OBSL1: variants seen among roughly 807,000 people sequenced by gnomAD.
The protein encoded by OBSL1 is obscurin like cytoskeletal adaptor 1, also known as obscurin-like protein 1.
In OBSL1, 160 loss-of-function variants were observed where a neutral mutation model predicts 172.0. The observed-to-expected ratio is 0.93, with a 90% CI of 0.82 to 1.06. OBSL1 has a LOEUF of 1.06. Among genes scored for constraint, OBSL1 ranks in the 50% least tolerant of loss-of-function variants. The probability of loss-of-function intolerance (pLI) is 0.00; values close to 1 mark genes in which losing one functional copy is unlikely to be tolerated. For synonymous variants in OBSL1, 1,200 were observed against 1,196.3 expected, an observed-to-expected ratio of 1.00 and a Z score of -0.06; for missense variants, 2,681 against 2,715.4, an observed-to-expected ratio of 0.99 and a Z score of 0.28.
chr2:219,560,650 T>C (rs994722347), intron 8 of OBSL1, among the ~76,000 whole-genome samples: 3 of 152,116 alleles, frequency 2.0e-5, no homozygotes, highest in South Asian at 2.1e-4. Context: ...GGGGCATGCA[T>C]GGGCCGAGGT....
At chr2:219,563,751 T>G in intron 6 of OBSL1, 124 bp from the exon 7 acceptor site, 1 of 1,058,762 alleles carries the variant, frequency 9.4e-7, no homozygotes, top group Non-Finnish European at 1.4e-6. Context: ...GGTCCTGCTG[T>G]GTAGGGACTC....
At chr2:219,559,611 TAATAATAAGC>T (rs1388446940) in intron 8 of OBSL1, 114 bp from the exon 9 acceptor site, 2 of 954,138 alleles carry the variant, frequency 2.1e-6, no homozygotes, top group Non-Finnish European at 3.1e-6. Flanking sequence ...ATAAGTAAAA[TAATAATAAGC>T]AATAATAGGT....
Position 219,552,574 on chromosome 2 carries a change from G to A in OBSL1, c.5270C>T (p.Pro1757Leu), listed in dbSNP as rs886055658. ...GCGGACGCGGGCTCCGGGTCTCAGC[G>A]GGCGGCCTCCGAGCTCCCAGCGCCC... The part of the protein sequence containing the change: ...TTGRWELGGR[P>L]LRPGARVRIR... Residue 1757 changes from proline (P) to leucine (L), a missense_variant, in exon 18 of 21, where the codon CCG becomes CTG. Coordinates refer to ENST00000404537, the MANE Select transcript of OBSL1 (RefSeq NM_015311.3). 1.3e-6 allele frequency: 2 copies of A among 1,594,520 alleles called. No individual in the cohort carries two copies. The highest frequency in any genetic ancestry group is 1.3e-5 in the African/African-American group (1 of 74,788).
Position 219,554,658 on chromosome 2 carries a change from G to C in OBSL1, c.4692C>G (p.Ser1564=). 1 of 1,606,398 alleles carries C rather than the reference G, an allele frequency of 6.2e-7. No individual in the cohort carries two copies. The highest frequency in any genetic ancestry group is 8.5e-7 in the Non-Finnish European group (1 of 1,176,584). ...CCCACTCCCCGGTCACACCTTCCTG[G>C]GACAGCTCCAGCTGGAAGGTGGCAC... ...GGSATFQLEL[S]QEGVTGEWAR... Residue 1564 remains serine (S), a synonymous_variant, in exon 15 of 21, where the codon TCC becomes TCG. Transcript: ENST00000404537.
At chr2:219,559,845 GA>G (rs1189599096) in intron 8 of OBSL1, among the ~76,000 whole-genome samples, 2 of 152,138 alleles carry the variant, frequency 1.3e-5, no homozygotes, top group Non-Finnish European at 2.9e-5. Flanking sequence ...GAATCTTACA[GA>G]TACAAGCATA....
At chr2:219,561,903 C>T (rs769455114) in intron 8 of OBSL1, 33 of 717,324 alleles carry the variant, frequency 4.6e-5, no homozygotes, top group Non-Finnish European at 7.8e-5. Context: ...GCCAGCTGTT[C>T]GTCGCCATGG....
chr2:219,550,464 A>C, downstream of OBSL1: 1 of 239,500 alleles, frequency 4.2e-6, no homozygotes. Context: ...GGAGTTGGGG[A>C]GGGGTTTAAA....
chr2:219,551,065 A>G (rs1315780117), intron 20 of OBSL1: 7 of 1,426,564 alleles, frequency 4.9e-6, no homozygotes, highest in Admixed American at 2.8e-5. Context: ...TTGGGATAGA[A>G]GGTGGGATGT....
At position 219,568,400 on chromosome 2, in the gene OBSL1, AT is replaced by A; in HGVS notation, c.1013-77del. The A allele has an allele frequency of 7.3e-7, 1 of 1,370,762 alleles. No homozygotes were observed. Among genetic ancestry groups the A allele is most frequent in the African/African-American group, 1.4e-5 (1 of 69,612 alleles). The allele number at this position is 1,370,762 out of a possible 1,614,324, so 84.9% of individuals were successfully genotyped here. A position where few individuals can be genotyped will look rare whatever the true frequency, so the allele number is the denominator to read the frequency against. ...CTAGGAGTAGGATACCTAGAAGCGC[AT>A]TAGCTCATGCTGTGTGCTCTTCATG... On this transcript the variant is annotated intron_variant, in intron 1 of 20. Coordinates refer to ENST00000404537, the MANE Select transcript of OBSL1 (RefSeq NM_015311.3). This position sits in a 1 kb window ranked among gnomAD's most constrained non-coding sequence, Gnocchi z 4.1.
rs199991707 is a variant in OBSL1 at position 219,567,447 on chromosome 2, G to A, written c.1663C>T (p.Arg555Trp). ...PETPFIYRLE[R>W]QEVGSEDWIQ... is the part of the protein sequence containing the mutation. The stretch of plus-strand genomic sequence containing the variant: ...CAGTCTTCAGAGCCCACTTCCTGCC[G>A]CTCCAGCCGGTAGATGAATGGGGTC... Residue 555 changes from arginine to tryptophan, a missense_variant, in exon 4 of 21, where the codon CGG becomes TGG. Physicochemically the swap from Arg to Trp is moderately radical, Grantham distance 101. Coordinates refer to ENST00000404537, the MANE Select transcript of OBSL1 (RefSeq NM_015311.3). The A allele has an allele frequency of 9.8e-4, 1,578 of 1,613,250 alleles. 11 individuals are homozygous for A. The highest frequency in any genetic ancestry group is 4.4e-4 in the Non-Finnish European group (517 of 1,179,648).
At position 219,570,524 on chromosome 2, in the gene OBSL1, G is replaced by T. The variant is rs764446915; in HGVS notation, c.709C>A (p.Pro237Thr). The change falls in exon 1 of 21, where the codon CCC becomes ACC. Residue 237 changes from proline to threonine, a missense_variant. Around this residue, in one of 5 missense-constraint regions of OBSL1, gnomAD observed 706 missense variants for 695.8 expected, o/e 1.01. Transcript: ENST00000404537. ...HQPPESPPAD[P>T]DEAPAPVVEP... ...ACCACCGGCGCGGGGGCCTCGTCGG[G>T]GTCCGCGGGCGGGCTCTCGGGGGGC... is the stretch of plus-strand genomic sequence containing the variant. 2 of 1,610,158 alleles carry T rather than the reference G, an allele frequency of 1.2e-6. No individual in the cohort carries two copies. Among genetic ancestry groups the T allele is most frequent in the Non-Finnish European group, 1.7e-6 (2 of 1,178,654 alleles).
In OBSL1 at chr2:219,552,207, T is replaced by A; in HGVS notation, c.5318A>T (p.His1773Leu). 1 of 1,604,714 alleles carries A rather than the reference T, an allele frequency of 6.2e-7. No homozygotes were observed. Among genetic ancestry groups the A allele is most frequent in the Non-Finnish European group, 8.5e-7 (1 of 1,176,286 alleles). Residue 1773 changes from histidine (H) to leucine (L), a missense_variant, in exon 19 of 21, where the codon CAC (histidine) becomes CTC (leucine). By Grantham distance (99) the His-to-Leu change is moderately conservative (BLOSUM62 -3). Coordinates refer to ENST00000404537, the MANE Select transcript of OBSL1 (RefSeq NM_015311.3). The part of the protein sequence containing the change: ...RVRIRQEGKK[H>L]ILVLSELRAE... ...GCGCAGCTCGCTAAGCACCAGAATG[T>A]GTTTCTTCCCTGGGGGTGAGGGGGT...
chr2:219,558,241 CG>C lies in OBSL1; in HGVS notation c.3444del (p.Glu1150SerfsTer27). 1 of 1,610,554 alleles carries C rather than the reference CG, an allele frequency of 6.2e-7. No homozygotes were observed. The highest frequency in any genetic ancestry group is 2.2e-5 in the East Asian group (1 of 44,742). On this transcript the variant is annotated frameshift_variant, in exon 10 of 21. Transcript: ENST00000404537. LOFTEE classifies it high-confidence loss of function. Reference sequence around the variant, plus strand: ...TGCCGGGTCTCACACACATACTCCCCGGCGTCCTCAGGCTGGGCGTGGGGCA... The same window carrying C: ...TGCCGGGTCTCACACACATACTCCCCGCGTCCTCAGGCTGGGCGTGGGGCA... The part of the protein sequence containing the change: ...LTLPHAQPED[A>X]GEYVCETRHE...
downstream of OBSL1, chr2:219,550,491 G>A: frequency 2.9e-6 from 1 of 343,776 alleles, no homozygotes; most frequent in Non-Finnish European, 5.5e-6. Context: ...GTGCATGTCT[G>A]GTGTCTGTCA....
At chr2:219,569,837 C>T (rs1057215126) in intron 1 of OBSL1, among the ~76,000 whole-genome samples, 2 of 152,230 alleles carry the variant, frequency 1.3e-5, no homozygotes, top group African/African-American at 4.8e-5. Flanking sequence ...CCATAAACTA[C>T]TCCTTTATCT....
Position 219,562,501 on chromosome 2 carries a change from C to T in OBSL1, c.2854G>A (p.Val952Ile), listed in dbSNP as rs763078107. 3 of 1,614,006 alleles carry T rather than the reference C, an allele frequency of 1.9e-6. No homozygotes were observed. Among genetic ancestry groups the T allele is most frequent in the Non-Finnish European group, 1.7e-6 (2 of 1,179,880 alleles). The change falls in exon 8 of 21, where the codon GTC (valine) becomes ATC (isoleucine). Residue 952 changes from valine to isoleucine, a missense_variant. Coordinates refer to ENST00000404537, the MANE Select transcript of OBSL1 (RefSeq NM_015311.3). ...PALLLQKEDT[V>I]RRLVLPAVQL... is the part of the protein sequence containing the mutation. ...ACAGCGGGCAGCACCAGGCGGCGGA[C>T]AGTGTCTTCCTTCTGCAGGAGCAGC...
At chr2:219,560,281 G>C (rs1171960104) in intron 8 of OBSL1, among the ~76,000 whole-genome samples, 19 of 152,210 alleles carry the variant, frequency 1.2e-4, no homozygotes, top group Non-Finnish European at 1.2e-4. Flanking sequence ...GGGAGGCTCA[G>C]ACCCCACAGG....
chr2:219,552,797 G>T, intron 17 of OBSL1, 71 bp downstream of exon 17: 1 of 1,525,380 alleles, frequency 6.6e-7, no homozygotes, highest in Non-Finnish European at 8.8e-7. Flanking sequence ...GGTCATCAGG[G>T]TCCGGGGAAG....
intron 8 of OBSL1, among the ~76,000 whole-genome samples, chr2:219,561,174 G>T (rs1446847147): frequency 2.0e-5 from 3 of 152,148 alleles, no homozygotes; most frequent in Non-Finnish European, 4.4e-5. Context: ...GCCCTAAACA[G>T]CTCTGCATGG....
Sources: allele counts gnomAD v4.1 joint callset (sites outside exome capture counted in the v4.1 genomes callset), GRCh38; gene constraint gnomAD v4.1.1; regional missense constraint gnomAD v4.1.1; non-coding constraint Gnocchi (gnomAD v3.1); transcripts MANE v1.5; gene names NCBI Gene and HGNC (gene_info 2026-07-23, HGNC 2026-07-21).